Variants in SLC25A24 observed in about 807,000 individuals in gnomAD.
SLC25A24 encodes the protein solute carrier family 25 member 24.
In SLC25A24, 49 loss-of-function variants were observed where a neutral mutation model predicts 60.7. That is an observed-to-expected ratio of 0.81 (90% CI 0.64 to 1.02). SLC25A24 has a LOEUF of 1.02. Ranked by LOEUF, SLC25A24 falls within the 50% of genes least tolerant of loss-of-function variation. SLC25A24 has a pLI of 0.00. For missense variants in SLC25A24, 564 were observed against 586.3 expected, an observed-to-expected ratio of 0.96 and a Z score of 0.39; for synonymous variants, 202 against 200.6, an observed-to-expected ratio of 1.01 and a Z score of -0.06.
chr1:108,180,694 G>A (rs1253040414), intron 3 of SLC25A24, among the ~76,000 whole-genome samples: 3 of 150,560 alleles, frequency 2.0e-5, no homozygotes, highest in African/African-American at 7.4e-5. Context: ...GTGAGAAGGG[G>A]TCTATCTGCA....
intron 3 of SLC25A24, among the ~76,000 whole-genome samples, chr1:108,180,175 C>T (rs1322689218): frequency 6.6e-6 from 1 of 151,630 alleles, no homozygotes; most frequent in Non-Finnish European, 1.5e-5. Context: ...ACAAGCCTGA[C>T]CAATATGGTG....
intron 1 of SLC25A24, among the ~76,000 whole-genome samples, chr1:108,187,927 G>GATAGATAGATAGATAGATAT: frequency 3.1e-5 from 3 of 95,742 alleles, no homozygotes; most frequent in Admixed American, 1.1e-4. Context: ...AGACATTATA[G>GATAGATAGATAGATAGATAT]ATATATATAT....
chr1:108,146,773 T>C (rs1358305237), intron 7 of SLC25A24, among the ~76,000 whole-genome samples: 1 of 152,224 alleles, frequency 6.6e-6, no homozygotes, highest in Non-Finnish European at 1.5e-5. Context: ...GCCAACTTGA[T>C]CATGGTGGAT....
At chr1:108,148,234 C>A in intron 7 of SLC25A24, 45 bp downstream of exon 7, 7 of 1,151,248 alleles carry the variant, frequency 6.1e-6, no homozygotes, top group Non-Finnish European at 9.2e-6. Flanking sequence ...AATAGACAAC[C>A]AACACGAACA....
In SLC25A24 at chr1:108,200,277, T is replaced by C. The variant is rs1648626514; in HGVS notation, c.-139A>G. The stretch of plus-strand genomic sequence containing the variant: ...TTTGGGGCGCCGTCGGGGTTGCGGC[T>C]GCGGCGCGCAGGGCGCAGGGCGCAG... On this transcript the variant is annotated 5_prime_UTR_variant, in exon 1 of 10. Transcript: ENST00000565488. 1.3e-6 allele frequency: 1 copy of C among 766,686 alleles called. No individual in the cohort carries two copies. The highest frequency in any genetic ancestry group is 4.5e-5 in the Admixed American group (1 of 21,982). 47.5% of individuals were successfully genotyped at this position (766,686 alleles called of 1,614,324 possible).
chr1:108,149,625 G>A (rs1048012183), intron 6 of SLC25A24, among the ~76,000 whole-genome samples: 1 of 152,144 alleles, frequency 6.6e-6, no homozygotes, highest in Non-Finnish European at 1.5e-5. Context: ...ATGGGAATTA[G>A]CCAGGCAAGC....
rs548146691 is a variant in SLC25A24 at position 108,180,961 on chromosome 1, C to T, written c.398+980G>A. 2.0e-5 allele frequency among the ~76,000 whole-genome samples: 3 copies of T among 152,324 alleles called. No homozygotes were observed. In the East Asian group the frequency reaches 5.8e-4, roughly 29 times the overall value. On this transcript the variant is annotated intron_variant, in intron 3 of 9. Transcript: ENST00000565488. ...ACAGCCAGGGAAAAGCCCTCACTTT[C>T]CTATAAGAATATTACTTTAGAAGCA...
intron 3 of SLC25A24, among the ~76,000 whole-genome samples, chr1:108,163,729 G>A (rs953342463): frequency 2.1e-4 from 32 of 151,444 alleles, no homozygotes; most frequent in African/African-American, 3.9e-4. Flanking sequence ...CAATCATGTC[G>A]TCTGCAAACA....
chr1:108,192,432 C>T, intron 1 of SLC25A24: 1 of 1,252,114 alleles, frequency 8.0e-7, no homozygotes, highest in Non-Finnish European at 1.1e-6. Context: ...GCCCTCTCTG[C>T]CCAATGCCTC....
At chr1:108,137,679 T>A (rs1679327698) in intron 9 of SLC25A24, among the ~76,000 whole-genome samples, 1 of 152,152 alleles carries the variant, frequency 6.6e-6, no homozygotes, top group Admixed American at 6.5e-5. Flanking sequence ...CATGCAAAGT[T>A]CTGGATCAGA....
intron 9 of SLC25A24, among the ~76,000 whole-genome samples, chr1:108,137,596 A>G (rs1483156492): frequency 6.6e-6 from 1 of 152,212 alleles, no homozygotes; most frequent in Non-Finnish European, 1.5e-5. Context: ...GTCTGAACAG[A>G]TGTAAAATGA....
intron 8 of SLC25A24, among the ~76,000 whole-genome samples, chr1:108,140,664 A>G (rs1371748576): frequency 1.3e-5 from 2 of 152,132 alleles, no homozygotes; most frequent in Non-Finnish European, 2.9e-5. Flanking sequence ...GTAAAGAAAT[A>G]GAGTTTTATA....
intron 3 of SLC25A24, among the ~76,000 whole-genome samples, chr1:108,178,386 G>C (rs922088933): frequency 6.6e-6 from 1 of 152,182 alleles, no homozygotes; most frequent in African/African-American, 2.4e-5. Context: ...CTAATGGCAA[G>C]AGAATACACA....
At chr1:108,146,132 C>T (rs1051382735) in intron 7 of SLC25A24, among the ~76,000 whole-genome samples, 2 of 152,158 alleles carry the variant, frequency 1.3e-5, no homozygotes, top group African/African-American at 2.4e-5. Context: ...TCCTTCACAT[C>T]CCTTGTAAGT....
intron 3 of SLC25A24, among the ~76,000 whole-genome samples, chr1:108,179,953 AT>A (rs1647854312): frequency 6.6e-6 from 1 of 152,206 alleles, no homozygotes; most frequent in Non-Finnish European, 1.5e-5. Flanking sequence ...ACTTCAAAAC[AT>A]CATGTTGTAC....
intron 6 of SLC25A24, among the ~76,000 whole-genome samples, chr1:108,151,498 C>A (rs6692761): frequency 0.031 from 4,685 of 152,282 alleles, 261 homozygotes; most frequent in African/African-American, 0.11. Flanking sequence ...CCCAGTAGTA[C>A]TGACCCCCAT....
rs1648325491 is a variant in SLC25A24 at position 108,190,928 on chromosome 1, C to G, written c.184-4974G>C. 1.4e-5 allele frequency among the ~76,000 whole-genome samples: 2 copies of G among 139,012 alleles called. 1 individual carries two copies. The highest frequency in any genetic ancestry group is 3.1e-5 in the Non-Finnish European group (2 of 63,612). 91.2% of individuals were successfully genotyped at this position (139,012 alleles called of 152,430 possible). On this transcript the variant is annotated intron_variant, in intron 1 of 9. Transcript: ENST00000565488. ...ACATGTGAACCCTCCTCAGTCACCA[C>G]TAGGTACACAAAGCGTCCTTGCCAA...
intron 6 of SLC25A24, among the ~76,000 whole-genome samples, chr1:108,151,314 C>T (rs1374520641): frequency 1.3e-5 from 2 of 152,176 alleles, no homozygotes; most frequent in Non-Finnish European, 2.9e-5. Flanking sequence ...TCCTTCTCTT[C>T]ACTGTCAAAC....
intron 2 of SLC25A24, among the ~76,000 whole-genome samples, chr1:108,182,662 G>A (rs572405651): frequency 7.2e-5 from 11 of 152,038 alleles, no homozygotes; most frequent in South Asian, 2.1e-4. Context: ...GTGAAACCCC[G>A]TCTCTACTAA....
Sources: gnomAD v4.1 joint callset for allele counts (sites outside exome capture counted in the v4.1 genomes callset) on GRCh38, gnomAD v4.1.1 for gene constraint, MANE v1.5 for transcripts, NCBI Gene and HGNC (gene_info 2026-07-23, HGNC 2026-07-21) for gene names.